Variants in PTPRD observed in about 807,000 individuals in gnomAD.
The protein encoded by PTPRD is protein tyrosine phosphatase receptor type D.
Under a neutral mutation model 214.5 loss-of-function variants are expected in PTPRD, and 34 were observed. That is an observed-to-expected ratio of 0.16 (90% CI 0.12 to 0.21). PTPRD has a LOEUF of 0.21. PTPRD is among the 10% of genes least tolerant of loss of function. PTPRD has a pLI of 1.00. For synonymous variants in PTPRD, 1,128 were observed against 845.7 expected (o/e 1.33, Z -5.79); for missense variants, 2,545 against 2,398.7 (o/e 1.06, Z -1.27).
chr9:8,805,318 T>C (rs957318331), intron 11 of PTPRD, among the ~76,000 whole-genome samples: 9 of 152,164 alleles, frequency 5.9e-5, no homozygotes, highest in Non-Finnish European at 1.3e-4. Flanking sequence ...TTTTCCCCAT[T>C]TGAAGGTTCT....
chr9:8,727,753 A>G (rs2098601314), intron 12 of PTPRD, among the ~76,000 whole-genome samples: 1 of 152,130 alleles, frequency 6.6e-6, no homozygotes, highest in African/African-American at 2.4e-5. Context: ...ACTGGGCTCA[A>G]GCAATCCTCC....
intron 9 of PTPRD, among the ~76,000 whole-genome samples, chr9:9,215,299 T>C (rs2099951432): frequency 1.3e-5 from 2 of 152,162 alleles, no homozygotes; most frequent in African/African-American, 2.4e-5. Context: ...TACATACTTG[T>C]ACTTGTTCAC....
At chr9:9,101,220 A>G (rs983615447) in intron 10 of PTPRD, among the ~76,000 whole-genome samples, 1 of 152,130 alleles carries the variant, frequency 6.6e-6, no homozygotes, top group Non-Finnish European at 1.5e-5. Flanking sequence ...TGCTCATTAT[A>G]GATATAAAAA....
intron 3 of PTPRD, among the ~76,000 whole-genome samples, chr9:10,141,421 A>G (rs1371962757): frequency 2.6e-5 from 4 of 152,158 alleles, no homozygotes; most frequent in African/African-American, 9.7e-5. Flanking sequence ...TACAAAATCA[A>G]TGTACAAAAA....
At chr9:8,910,326 C>T (rs993730868) in intron 11 of PTPRD, among the ~76,000 whole-genome samples, 9 of 151,966 alleles carry the variant, frequency 5.9e-5, no homozygotes, top group African/African-American at 1.9e-4. Flanking sequence ...TGTGAGCCAC[C>T]GCACCTGGCC....
chr9:10,064,545 C>T (rs2097842375), intron 3 of PTPRD, among the ~76,000 whole-genome samples: 1 of 151,856 alleles, frequency 6.6e-6, no homozygotes, highest in African/African-American at 2.4e-5. Context: ...TCATTTTAAG[C>T]ACCATCATCA....
At chr9:8,657,448 C>T (rs935676300) in intron 12 of PTPRD, among the ~76,000 whole-genome samples, 4 of 152,056 alleles carry the variant, frequency 2.6e-5, no homozygotes, top group Non-Finnish European at 4.4e-5. Context: ...GGATTACAGG[C>T]GTGAGCCACC....
intron 11 of PTPRD, among the ~76,000 whole-genome samples, chr9:8,843,305 C>T (rs576930392): frequency 6.6e-6 from 1 of 152,336 alleles, no homozygotes; most frequent in East Asian, 1.9e-4. Flanking sequence ...TATCAATTCA[C>T]TTTCCTTGAG....
chr9:8,607,596 C>A (rs915251779), intron 14 of PTPRD, among the ~76,000 whole-genome samples: 12 of 152,184 alleles, frequency 7.9e-5, no homozygotes, highest in African/African-American at 2.4e-4. Context: ...TGAGCCAAGA[C>A]TGCGCCACTG....
At position 8,465,516 on chromosome 9, in the gene PTPRD, C is replaced by T. The variant is rs2096528640; in HGVS notation, c.3664G>A (p.Gly1222Ser). 1 of 1,612,508 alleles carries T rather than the reference C, an allele frequency of 6.2e-7. No individual in the cohort carries two copies. The highest frequency in any genetic ancestry group is 8.5e-7 in the Non-Finnish European group (1 of 1,178,974). Residue 1222 changes from glycine to serine, a missense_variant, in exon 32 of 46, where the codon GGT (glycine) becomes AGT (serine). Physicochemically the swap from Gly to Ser is moderately conservative, Grantham distance 56. Coordinates refer to ENST00000381196, the MANE Select transcript of PTPRD (RefSeq NM_002839.4). ...GGFTNKQLQS[G>S]QEYVFFVLAV... ...AACACAAAGAAGACATATTCTTGAC[C>T]ACTTTGGAGTTGCTTGTTTGTAAAT...
intron 2 of PTPRD, among the ~76,000 whole-genome samples, chr9:10,409,524 T>C (rs1395308388): frequency 6.6e-6 from 1 of 151,750 alleles, no homozygotes; most frequent in Non-Finnish European, 1.5e-5. Context: ...AAGGCTAAAC[T>C]CTTACTCACT....
chr9:8,466,631 A>G (rs1353854487), intron 31 of PTPRD, among the ~76,000 whole-genome samples: 1 of 151,906 alleles, frequency 6.6e-6, no homozygotes, highest in Non-Finnish European at 1.5e-5. Flanking sequence ...TTAGTCTGGG[A>G]TGCCTGTTGA....
intron 14 of PTPRD, among the ~76,000 whole-genome samples, chr9:8,589,260 C>T (rs767885069): frequency 1.3e-5 from 2 of 152,156 alleles, no homozygotes; most frequent in African/African-American, 2.4e-5. Flanking sequence ...CAACATATAC[C>T]CTTCTGCTTC....
intron 11 of PTPRD, among the ~76,000 whole-genome samples, chr9:9,007,476 T>A (rs1386415192): frequency 8.7e-6 from 1 of 115,154 alleles, no homozygotes; most frequent in Admixed American, 1.1e-4. Context: ...AAAATATATT[T>A]TTTTTTATGT....
intron 31 of PTPRD, 64 bp downstream of exon 31, chr9:8,470,931 G>A (rs1591384426): frequency 1.1e-6 from 1 of 905,062 alleles, no homozygotes. Context: ...CTCCAAGGGA[G>A]GGGGGCGGAA....
At chr9:10,549,992 C>T (rs1043400533) in intron 2 of PTPRD, among the ~76,000 whole-genome samples, 1 of 152,082 alleles carries the variant, frequency 6.6e-6, no homozygotes, top group Non-Finnish European at 1.5e-5. Flanking sequence ...AAGTATTTCA[C>T]CCCTCTGGCA....
chr9:8,885,688 G>A (rs894356783), intron 11 of PTPRD, among the ~76,000 whole-genome samples: 9 of 151,458 alleles, frequency 5.9e-5, no homozygotes, highest in African/African-American at 1.9e-4. Context: ...GTAGAGATGG[G>A]GTTTCACCAT....
At chr9:10,016,322 G>A (rs560590006) in intron 4 of PTPRD, among the ~76,000 whole-genome samples, 7 of 152,022 alleles carry the variant, frequency 4.6e-5, no homozygotes, top group South Asian at 2.1e-4. Flanking sequence ...GTAGCCATCC[G>A]TGTGTCCAGG....
At chr9:9,742,459 T>C (rs1171817652) in intron 6 of PTPRD, among the ~76,000 whole-genome samples, 1 of 152,166 alleles carries the variant, frequency 6.6e-6, no homozygotes, top group Non-Finnish European at 1.5e-5. Flanking sequence ...AGAAATATAA[T>C]TGTAATTGAA....
Sources: allele counts gnomAD v4.1 joint callset (sites outside exome capture counted in the v4.1 genomes callset), GRCh38; gene constraint gnomAD v4.1.1; transcripts MANE v1.5; gene names NCBI Gene and HGNC (gene_info 2026-07-23, HGNC 2026-07-21).